ABCB9: variants seen among roughly 807,000 people sequenced by gnomAD.
ABCB9 encodes the protein ABC-type oligopeptide transporter ABCB9.
Under a neutral mutation model 62.0 loss-of-function variants are expected in ABCB9, and 36 were observed. The ratio of observed to expected loss-of-function variants is 0.58; its 90% CI spans 0.45 to 0.77. The LOEUF (loss-of-function observed/expected upper bound fraction) is 0.77, where lower values mean the gene tolerates loss of function less well. Among genes scored for constraint, ABCB9 ranks in the 30% least tolerant of loss-of-function variants. ABCB9 has a pLI of 0.00. For synonymous variants in ABCB9, 435 were observed against 461.4 expected (o/e 0.94, Z 0.73); for missense variants, 943 against 1,054.7 (o/e 0.89, Z 1.47).
upstream of ABCB9, among the ~76,000 whole-genome samples, chr12:122,968,753 T>C (rs1335258078): frequency 2.0e-5 from 3 of 151,488 alleles, no homozygotes; most frequent in Admixed American, 2.0e-4. Flanking sequence ...TAGTTGGGAT[T>C]GCAAGCATGT....
chr12:122,930,184 T>G lies in ABCB9; in HGVS notation c.2041-13A>C, dbSNP rs2035074938. 1 of 1,536,118 alleles carries G rather than the reference T, an allele frequency of 6.5e-7. No individual in the cohort carries two copies. Among genetic ancestry groups the G allele is most frequent in the East Asian group, 2.5e-5 (1 of 40,652 alleles). ...TGGCCTGCTGGATCTGCGGGGACAG[T>G]GGGGGCCTGGCTTGCATGGCACGGA... On this transcript the variant is annotated splice_polypyrimidine_tract_variant and intron_variant, in intron 11 of 11. Coordinates refer to ENST00000280560, the MANE Select transcript of ABCB9 (RefSeq NM_019625.4). This position sits in a 1 kb window ranked among gnomAD's most constrained non-coding sequence, Gnocchi z 4.9.
At chr12:122,924,479 C>A, downstream of ABCB9, 1 of 633,076 alleles carries the variant, frequency 1.6e-6, no homozygotes, top group Non-Finnish European at 2.2e-6. Context: ...ATCCTCCCAC[C>A]TAAGCCTCCC....
At chr12:122,919,246 G>C (rs1051380859), downstream of ABCB9, among the ~76,000 whole-genome samples, 1 of 151,982 alleles carries the variant, frequency 6.6e-6, no homozygotes, top group African/African-American at 2.4e-5. Flanking sequence ...ACCATGGTTC[G>C]TTGCAGCCTC....
intron 9 of ABCB9, chr12:122,939,845 T>C (rs1367040734): frequency 5.2e-6 from 2 of 384,286 alleles, no homozygotes; most frequent in African/African-American, 2.1e-5. Flanking sequence ...TTTTCTTTTT[T>C]AATAGAGACG....
upstream of ABCB9, among the ~76,000 whole-genome samples, chr12:122,967,513 T>A (rs1475664758): frequency 6.6e-6 from 1 of 152,152 alleles, no homozygotes; most frequent in African/African-American, 2.4e-5. Context: ...GCTTTGTTTT[T>A]TCCTGAGACA....
chr12:122,926,508 C>G (rs1394743851), downstream of ABCB9, among the ~76,000 whole-genome samples: 4 of 152,084 alleles, frequency 2.6e-5, no homozygotes, highest in Non-Finnish European at 5.9e-5. Context: ...GATTGTGCCA[C>G]TGCACTCCAG....
Position 122,966,029 on chromosome 12 carries a change from T to C in ABCB9, c.-88+258A>G, listed in dbSNP as rs77408283. Among the ~76,000 whole-genome samples, 173 of 152,274 alleles carry C rather than the reference T, an allele frequency of 1.1e-3. 9 individuals carry two copies. In the East Asian group the frequency reaches 0.033, roughly 29 times the overall value. ...GGATCCTCCAACACCTCCCACATTT[T>C]CCAAGAGGCAGCGGCGCCTTGGGGG... On this transcript the variant is annotated intron_variant, in intron 1 of 11. Coordinates refer to ENST00000280560, the MANE Select transcript of ABCB9 (RefSeq NM_019625.4).
downstream of ABCB9, chr12:122,928,941 G>A: frequency 1.0e-6 from 1 of 953,572 alleles, no homozygotes. Flanking sequence ...GTGGTCTGGT[G>A]GAAAAACCTA....
At chr12:122,967,317 GA>G (rs1457568692), upstream of ABCB9, among the ~76,000 whole-genome samples, 1 of 152,186 alleles carries the variant, frequency 6.6e-6, no homozygotes, top group Non-Finnish European at 1.5e-5. Context: ...GGGGAGGGAG[GA>G]ACATCCTACG....
intron 1 of ABCB9, among the ~76,000 whole-genome samples, chr12:122,961,217 T>G (rs1417728879): frequency 6.6e-6 from 1 of 152,086 alleles, no homozygotes; most frequent in Non-Finnish European, 1.5e-5. Flanking sequence ...AGACAGAGTC[T>G]TGCTCTGTCG....
chr12:122,942,512 G>A (rs1002038980), intron 7 of ABCB9, among the ~76,000 whole-genome samples: 25 of 151,882 alleles, frequency 1.6e-4, no homozygotes, highest in Admixed American at 1.4e-3. Context: ...CCAGCTACTG[G>A]GGAGGATGAG....
intron 10 of ABCB9, among the ~76,000 whole-genome samples, 153 bp downstream of exon 10, chr12:122,935,119 C>T (rs1028480917): frequency 6.6e-6 from 1 of 152,150 alleles, no homozygotes; most frequent in East Asian, 1.9e-4. Flanking sequence ...ATTGCTTGAG[C>T]GCAGGAGGTT....
intron 2 of ABCB9, 41 bp from the exon 3 acceptor site, chr12:122,950,606 G>A (rs1463358828): frequency 2.0e-6 from 3 of 1,524,090 alleles, no homozygotes; most frequent in Admixed American, 3.5e-5. Context: ...CTGCAGCCAG[G>A]GGAACCCGCA....
rs369456007 is a variant in ABCB9 at position 122,935,284 on chromosome 12, C to A, written c.1891G>T (p.Gly631Cys). The A allele has an allele frequency of 2.5e-6, 4 of 1,609,422 alleles. No homozygotes were observed. The African/African-American group carries it at 4.0e-5, about 16-fold the overall frequency. The change falls in exon 10 of 12, where the codon GGC (glycine) becomes TGC (cysteine). Residue 631 changes from glycine (G) to cysteine (C), a missense_variant. By Grantham distance (159) the Gly-to-Cys change is radical (BLOSUM62 -3). Transcript: ENST00000280560. Reference protein sequence around the residue: ...AHGFIMELQDGYSTETGEKGA... With the variant: ...AHGFIMELQDCYSTETGEKGA... ...CCCAGCTCCACACCTGTGCTGTAGC[C>A]GTCCTGGAGTTCCATGATGAAGCCG...
Position 122,959,612 on chromosome 12 carries a change from AT to A in ABCB9, c.601+22del. On this transcript the variant is annotated intron_variant, in intron 2 of 11. Transcript: ENST00000280560. The surrounding 1 kb of genome is among the most constrained non-coding windows in gnomAD (Gnocchi z 5.4). Reference sequence around the variant, plus strand: ...CCTAATTTGATGTTCTGGTGGCCACATGTCCCCGAGGTCCTTACTTACCCAG... The same window carrying A: ...CCTAATTTGATGTTCTGGTGGCCACAGTCCCCGAGGTCCTTACTTACCCAG... 1 of 1,519,934 alleles carries A rather than the reference AT, an allele frequency of 6.6e-7. No homozygotes were observed. Among genetic ancestry groups the A allele is most frequent in the South Asian group, 1.3e-5 (1 of 76,580 alleles). 94.2% of individuals were successfully genotyped at this position (1,519,934 alleles called of 1,614,324 possible). A position where few individuals can be genotyped will look rare whatever the true frequency, so the allele number is the denominator to read the frequency against.
At chr12:122,935,549 A>G in intron 9 of ABCB9, 118 bp from the exon 10 acceptor site, 4 of 1,254,060 alleles carry the variant, frequency 3.2e-6, no homozygotes, top group South Asian at 3.0e-5. Flanking sequence ...AAACCTGATC[A>G]GGGCCCAGTG....
intron 11 of ABCB9, among the ~76,000 whole-genome samples, chr12:122,923,825 A>C (rs1027838952): frequency 6.6e-6 from 1 of 152,208 alleles, no homozygotes; most frequent in Admixed American, 6.5e-5. Flanking sequence ...CTGAAGAGCC[A>C]GGGCCATCGG....
upstream of ABCB9, among the ~76,000 whole-genome samples, chr12:122,966,904 A>G (rs1396938123): frequency 1.3e-5 from 2 of 152,222 alleles, no homozygotes; most frequent in African/African-American, 2.4e-5. Context: ...CGTTCACCCA[A>G]CAGATATTTA....
intron 10 of ABCB9, 134 bp downstream of exon 10, chr12:122,935,138 G>T: frequency 8.9e-7 from 1 of 1,125,622 alleles, no homozygotes; most frequent in Non-Finnish European, 1.2e-6. Context: ...TTCGAGTCTG[G>T]CCAGGGTAAC....
Sources: gnomAD v4.1 joint callset for allele counts (sites outside exome capture counted in the v4.1 genomes callset) on GRCh38, gnomAD v4.1.1 for gene constraint, Gnocchi (gnomAD v3.1) non-coding constraint, MANE v1.5 for transcripts, NCBI Gene and HGNC (gene_info 2026-07-23, HGNC 2026-07-21) for gene names.